Variants in USP8 observed in about 807,000 individuals in gnomAD.
USP8 encodes the protein ubiquitin specific peptidase 8, also known as ubiquitin carboxyl-terminal hydrolase 8.
USP8 carries 27 observed loss-of-function variants against 130.0 expected under a neutral mutation model. The ratio of observed to expected loss-of-function variants is 0.21; its 90% CI spans 0.15 to 0.29. USP8 has a LOEUF of 0.29. USP8 is among the 10% of genes least tolerant of loss of function. The pLI is 1.00. For missense variants in USP8, 1,029 were observed against 1,312.2 expected (o/e 0.78, Z 3.33); for synonymous variants, 392 against 444.1 (o/e 0.88, Z 1.48).
intron 15 of USP8, chr15:50,493,294 G>T: frequency 3.9e-6 from 2 of 515,372 alleles, no homozygotes; most frequent in South Asian, 2.8e-5. Flanking sequence ...TATTTGACGT[G>T]AATCTGGTGG....
At chr15:50,493,002 A>G in intron 15 of USP8, 89 bp downstream of exon 15, 4 of 1,244,736 alleles carry the variant, frequency 3.2e-6, no homozygotes, top group Non-Finnish European at 3.5e-6. Context: ...TTCTGCTGCT[A>G]TAACAAAATA....
intron 1 of USP8, among the ~76,000 whole-genome samples, chr15:50,429,500 G>A (rs2049859507): frequency 6.6e-6 from 1 of 151,460 alleles, no homozygotes; most frequent in African/African-American, 2.4e-5. Context: ...ATGGTTCCCA[G>A]TCTTGACTGG....
At position 50,477,443 on chromosome 15, in the gene USP8, A is replaced by G. The variant is rs150568948; in HGVS notation, c.1162A>G (p.Lys388Glu). 6.8e-4 allele frequency: 1,103 copies of G among 1,614,162 alleles called. 9 individuals are homozygous for G. The African/African-American group carries it at 0.014, about 20-fold the overall frequency. Residue 388 changes from lysine (K) to glutamate (E), a missense_variant, in exon 10 of 20, where the codon AAA (lysine) becomes GAA (glutamate). Physicochemically the swap from Lys to Glu is moderately conservative, Grantham distance 56. Around this residue, in one of 4 missense-constraint regions of USP8, gnomAD observed 486 missense variants for 522.0 expected, o/e 0.93. Coordinates refer to ENST00000307179, the MANE Select transcript of USP8 (RefSeq NM_005154.5). ...STPVEPVAAS[K>E]SDVSPIIQPV... is the part of the protein sequence containing the mutation. ...TCCAGTTGAACCAGTTGCTGCTTCT[A>G]AATCTGATGTTTCACCCATAATTCA...
In USP8 at chr15:50,510,486, T is replaced by G. The variant is rs1426241991; in HGVS notation, c.*11398T>G. On this transcript the variant is annotated 3_prime_UTR_variant, in exon 20 of 20. Coordinates refer to ENST00000307179, the MANE Select transcript of USP8 (RefSeq NM_005154.5). ...AAAAATGCTACTAAAAAAAAAAACC[T>G]TGTGACAATTGATATTTGAATATGA... 1.3e-5 allele frequency: 2 copies of G among 152,082 alleles called. No homozygotes were observed. Among genetic ancestry groups the G allele is most frequent in the African/African-American group, 2.4e-5 (1 of 41,418 alleles). The allele number at this position is 152,082 out of a possible 1,614,324, so 9.4% of individuals were successfully genotyped here. A position where few individuals can be genotyped will look rare whatever the true frequency, so the allele number is the denominator to read the frequency against.
At chr15:50,496,982 T>G in intron 17 of USP8, 107 bp from the exon 18 acceptor site, 3 of 1,366,718 alleles carry the variant, frequency 2.2e-6, no homozygotes. Flanking sequence ...TTGTGTAGAT[T>G]GCTGTTGAAT....
At chr15:50,432,715 A>G (rs984304148) in intron 1 of USP8, among the ~76,000 whole-genome samples, 12 of 152,348 alleles carry the variant, frequency 7.9e-5, no homozygotes, top group Middle Eastern at 6.8e-3. Context: ...ACATGTACAT[A>G]ACTGAAACAA....
intron 14 of USP8, among the ~76,000 whole-genome samples, chr15:50,491,284 T>C (rs942796982): frequency 6.6e-6 from 1 of 152,214 alleles, no homozygotes; most frequent in African/African-American, 2.4e-5. Context: ...TTAATTAGGC[T>C]CTTTTAAGCC....
At chr15:50,447,529 C>T (rs2050481285) in intron 3 of USP8, among the ~76,000 whole-genome samples, 1 of 152,102 alleles carries the variant, frequency 6.6e-6, no homozygotes, top group Admixed American at 6.6e-5. Context: ...GTGTGAGCCC[C>T]TGCACCCAGC....
chr15:50,492,766 C>T lies in USP8; in HGVS notation c.2300C>T (p.Pro767Leu). The T allele has an allele frequency of 1.2e-6, 2 of 1,614,132 alleles. No individual in the cohort carries two copies. Among genetic ancestry groups the T allele is most frequent in the Non-Finnish European group, 1.7e-6 (2 of 1,180,018 alleles). ...LSASQIRNLN[P>L]VFGGSGPALT... ...GCTTCTCAGATTCGGAACCTCAATC[C>T]TGTTTTTGGAGGTTCTGGACCAGCT... is the stretch of plus-strand genomic sequence containing the variant. The change falls in exon 15 of 20, where the codon CCT (proline) becomes CTT (leucine). Residue 767 changes from proline to leucine, a missense_variant. Pro to Leu is a moderately conservative substitution (Grantham distance 98). Around this residue, in one of 4 missense-constraint regions of USP8, gnomAD observed 257 missense variants for 429.8 expected, o/e 0.60. Transcript: ENST00000307179.
intron 11 of USP8, among the ~76,000 whole-genome samples, chr15:50,483,397 T>C (rs1002471487): frequency 3.9e-5 from 6 of 152,250 alleles, no homozygotes; most frequent in African/African-American, 1.2e-4. Context: ...AGGAGAAATA[T>C]GTAATTTATT....
At chr15:50,454,701 C>T (rs1253261788) in intron 4 of USP8, among the ~76,000 whole-genome samples, 1 of 152,092 alleles carries the variant, frequency 6.6e-6, no homozygotes, top group Non-Finnish European at 1.5e-5. Context: ...GTGATCCACC[C>T]ACCTCGGCCT....
chr15:50,479,095 T>C (rs768492906), intron 10 of USP8, among the ~76,000 whole-genome samples: 2 of 152,050 alleles, frequency 1.3e-5, no homozygotes, highest in Non-Finnish European at 1.5e-5. Context: ...AAAGTTTGTA[T>C]ATACAAGAGA....
In USP8 at chr15:50,501,651, T is replaced by C. The variant is rs2052590640; in HGVS notation, c.*2563T>C. Reference sequence around the variant, plus strand: ...ATCCCCCATAGGGTACAAAAAATAATGTATCTCATTTTCCTTTTTCCATGT... The same window carrying C: ...ATCCCCCATAGGGTACAAAAAATAACGTATCTCATTTTCCTTTTTCCATGT... On this transcript the variant is annotated 3_prime_UTR_variant, in exon 20 of 20. Transcript: ENST00000307179. 1 of 152,044 alleles carries C rather than the reference T, an allele frequency of 6.6e-6. No homozygotes were observed. Among genetic ancestry groups the C allele is most frequent in the South Asian group, 2.1e-4 (1 of 4,826 alleles). 9.4% of individuals were successfully genotyped at this position (152,044 alleles called of 1,614,324 possible).
intron 5 of USP8, among the ~76,000 whole-genome samples, chr15:50,461,245 G>A (rs1328188924): frequency 1.3e-5 from 2 of 151,904 alleles, no homozygotes; most frequent in Non-Finnish European, 2.9e-5. Flanking sequence ...GCCCACTTTG[G>A]CCTCCCACAG....
rs1595994746 is a variant in USP8 at position 50,497,326 on chromosome 15, C to T, written c.3038+95C>T. On this transcript the variant is annotated intron_variant, in intron 18 of 19. Transcript: ENST00000307179. ...TACTTGTTGTACTGCCTGCCATGGG[C>T]ACATAACAAAGGGCGATTATCTGGT... 1.3e-5 allele frequency: 18 copies of T among 1,436,690 alleles called. No individual in the cohort carries two copies. In the African/African-American group the frequency reaches 1.9e-4, roughly 15 times the overall value. The allele number at this position is 1,436,690 out of a possible 1,614,324, so 89.0% of individuals were successfully genotyped here. A position where few individuals can be genotyped will look rare whatever the true frequency, so the allele number is the denominator to read the frequency against.
At chr15:50,435,619 AG>A (rs1433662834) in intron 1 of USP8, among the ~76,000 whole-genome samples, 1 of 152,210 alleles carries the variant, frequency 6.6e-6, no homozygotes, top group Non-Finnish European at 1.5e-5. Flanking sequence ...GTGTGATTGT[AG>A]AGGCTCAAAT....
At position 50,471,884 on chromosome 15, in the gene USP8, C is replaced by T. The variant is rs1002733328; in HGVS notation, c.849+89C>T. On this transcript the variant is annotated intron_variant, in intron 8 of 19. Coordinates refer to ENST00000307179, the MANE Select transcript of USP8 (RefSeq NM_005154.5). Reference sequence around the variant, plus strand: ...GTTAACTAGTTGTTTATCTTAAATACTAAAAGATTCATCATGCCTTTTTTT... The same window carrying T: ...GTTAACTAGTTGTTTATCTTAAATATTAAAAGATTCATCATGCCTTTTTTT... 10 of 1,110,766 alleles carry T rather than the reference C, an allele frequency of 9.0e-6. No homozygotes were observed. The Admixed American group carries it at 1.1e-4, about 12-fold the overall frequency. 68.8% of individuals were successfully genotyped at this position (1,110,766 alleles called of 1,614,324 possible). A position where few individuals can be genotyped will look rare whatever the true frequency, so the allele number is the denominator to read the frequency against.
In USP8 at chr15:50,502,206, C is replaced by G. The variant is rs956967440; in HGVS notation, c.*3118C>G. The G allele has an allele frequency of 6.6e-6, 1 of 150,728 alleles. No individual in the cohort carries two copies. Among genetic ancestry groups the G allele is most frequent in the Admixed American group, 6.6e-5 (1 of 15,100 alleles). The allele number at this position is 150,728 out of a possible 1,614,324, so 9.3% of individuals were successfully genotyped here. ...CACTGCAACCTCCGCCTCCCAGGTT[C>G]AAGCAATTCTTCTGCCTCAGCCTTC... On this transcript the variant is annotated 3_prime_UTR_variant, in exon 20 of 20. Coordinates refer to ENST00000307179, the MANE Select transcript of USP8 (RefSeq NM_005154.5).
intron 9 of USP8, 77 bp downstream of exon 9, chr15:50,477,070 G>A: frequency 4.5e-6 from 7 of 1,550,954 alleles, no homozygotes; most frequent in Non-Finnish European, 6.1e-6. Context: ...TAACATTCTT[G>A]GTTGTGTGTG....
Sources: allele counts gnomAD v4.1 joint callset (sites outside exome capture counted in the v4.1 genomes callset), GRCh38; gene constraint gnomAD v4.1.1; regional missense constraint gnomAD v4.1.1; transcripts MANE v1.5; gene names NCBI Gene and HGNC (gene_info 2026-07-23, HGNC 2026-07-21).